The following NTRK2 variants were observed in gnomAD, a reference collection of about 807,000 sequenced individuals.
NTRK2 encodes BDNF/NT-3 growth factors receptor.
NTRK2 carries 13 observed loss-of-function variants against 94.5 expected under a neutral mutation model. The ratio of observed to expected loss-of-function variants is 0.14; its 90% confidence interval spans 0.09 to 0.22. The LOEUF is 0.22. NTRK2 is among the 10% of genes least tolerant of loss of function. NTRK2 has a pLI of 1.00. For missense variants in NTRK2, 639 were observed against 1,071.2 expected, an observed-to-expected ratio of 0.60 and a Z score of 5.63; for synonymous variants, 372 against 407.4, an observed-to-expected ratio of 0.91 and a Z score of 1.05.
At chr9:84,977,867 C>A (rs543362737) in intron 17 of NTRK2, among the ~76,000 whole-genome samples, 284 of 152,344 alleles carry the variant, frequency 1.9e-3, no homozygotes, top group African/African-American at 6.6e-3. Flanking sequence ...CATGCAAAAT[C>A]TCAAACTTTT....
chr9:84,719,736 C>T (rs543578922), intron 6 of NTRK2, among the ~76,000 whole-genome samples: 38 of 151,894 alleles, frequency 2.5e-4, no homozygotes, highest in African/African-American at 7.5e-4. Flanking sequence ...GTGGAAGAGT[C>T]GGCTGGGCAC....
intron 18 of NTRK2, 51 bp from the exon 19 acceptor site, chr9:85,021,201 G>A (rs758390762): frequency 7.2e-6 from 11 of 1,525,846 alleles, no homozygotes; most frequent in African/African-American, 5.5e-5. Flanking sequence ...ACATTTCTTC[G>A]ATGTGCATTG....
chr9:84,807,156 TA>T (rs2071217886), intron 12 of NTRK2, among the ~76,000 whole-genome samples: 1 of 152,278 alleles, frequency 6.6e-6, no homozygotes, highest in African/African-American at 2.4e-5. Context: ...GCTGTTAATT[TA>T]AATGTACTGC....
At chr9:84,830,538 C>CATGCGT (rs139303964) in intron 12 of NTRK2, among the ~76,000 whole-genome samples, 1 of 145,920 alleles carries the variant, frequency 6.9e-6, no homozygotes, top group Admixed American at 6.8e-5. Context: ...AGCATGCATG[C>CATGCGT]GTGTGTGTGT....
At chr9:85,010,529 G>T (rs1036057680) in intron 17 of NTRK2, among the ~76,000 whole-genome samples, 1 of 152,186 alleles carries the variant, frequency 6.6e-6, no homozygotes, top group Non-Finnish European at 1.5e-5. Context: ...TCCCATTGCT[G>T]AGTGATGTGT....
At chr9:84,875,623 T>A in intron 14 of NTRK2, 1 of 1,060,624 alleles carries the variant, frequency 9.4e-7, no homozygotes, top group Non-Finnish European at 1.1e-6. Context: ...TCCTGATGTT[T>A]AGGGATGCCT....
In NTRK2 at chr9:84,709,658, T is replaced by G. The variant is rs76347624; in HGVS notation, c.429-979T>G. ...CCAGGTCCTGTCTTCACGGAAATCT[T>G]AAGTATTGTGGTTAATGCCAGGCAG... On this transcript the variant is annotated intron_variant, in intron 5 of 18. Transcript: ENST00000277120. Among the ~76,000 whole-genome samples, 456 of 152,292 alleles carry G rather than the reference T, an allele frequency of 3.0e-3. 15 individuals are homozygous for G. In the East Asian group the frequency reaches 0.066, roughly 22 times the overall value.
rs144405760 is a variant in NTRK2 at position 84,971,531 on chromosome 9, G to A, written c.2172+16014G>A. ...AGGAAACAATGAGCAGGAAGGCCCC[G>A]TGGCAAGAGAAGCAGAACATGGTAA... On this transcript the variant is annotated intron_variant, in intron 17 of 18. Coordinates refer to ENST00000277120, the MANE Select transcript of NTRK2 (RefSeq NM_006180.6). Among the ~76,000 whole-genome samples the A allele has an allele frequency of 3.9e-3, 596 of 152,330 alleles. 4 individuals carry two copies. Among genetic ancestry groups the A allele is most frequent in the African/African-American group, 0.013 (560 of 41,580 alleles).
chr9:84,670,848 A>G lies in NTRK2; in HGVS notation c.100A>G (p.Thr34Ala), dbSNP rs143073407. 1.3e-4 allele frequency: 211 copies of G among 1,613,940 alleles called. No individual in the cohort carries two copies. Among genetic ancestry groups the G allele is most frequent in the Non-Finnish European group, 1.7e-4 (201 of 1,180,036 alleles). Residue 34 changes from threonine to alanine, a missense_variant, in exon 2 of 19, where the codon ACG (threonine) becomes GCG (alanine). Coordinates refer to ENST00000277120, the MANE Select transcript of NTRK2 (RefSeq NM_006180.6). ...CTGGAGGGCCGCTTTCGCCTGTCCCACGTCCTGCAAATGCAGTGCCTCTCG... is the reference window on the plus strand; with the variant it reads ...CTGGAGGGCCGCTTTCGCCTGTCCCGCGTCCTGCAAATGCAGTGCCTCTCG... ...GFWRAAFACP[T>A]SCKCSASRIW... is the part of the protein sequence containing the mutation.
At chr9:84,915,201 A>T (rs946457178) in intron 14 of NTRK2, among the ~76,000 whole-genome samples, 9 of 152,156 alleles carry the variant, frequency 5.9e-5, no homozygotes, top group Non-Finnish European at 1.2e-4. Flanking sequence ...CTAACAGGCC[A>T]TAGATCAGTA....
At chr9:84,696,371 A>G (rs1043168593) in intron 2 of NTRK2, among the ~76,000 whole-genome samples, 3 of 152,356 alleles carry the variant, frequency 2.0e-5, no homozygotes, top group African/African-American at 4.8e-5. Context: ...CTTGTAATCT[A>G]AATTAGCTTT....
At chr9:84,926,434 G>A (rs1232712406) in intron 14 of NTRK2, among the ~76,000 whole-genome samples, 1 of 151,812 alleles carries the variant, frequency 6.6e-6, no homozygotes, top group East Asian at 1.9e-4. Context: ...GTTTCTCCAT[G>A]TTGGTCAGGC....
At chr9:84,846,601 C>A (rs2074485440) in intron 12 of NTRK2, among the ~76,000 whole-genome samples, 1 of 152,184 alleles carries the variant, frequency 6.6e-6, no homozygotes, top group Admixed American at 6.5e-5. Flanking sequence ...AATCATTTTC[C>A]AGCCTTTCAT....
intron 2 of NTRK2, among the ~76,000 whole-genome samples, chr9:84,694,822 T>C (rs2060262723): frequency 6.6e-6 from 1 of 152,008 alleles, no homozygotes; most frequent in Admixed American, 6.6e-5. Context: ...CTAGAGATGA[T>C]AGATAGATTG....
Position 84,821,125 on chromosome 9 carries a change from CT to C in NTRK2, c.1397-39908del, listed in dbSNP as rs545616075. Reference sequence around the variant, plus strand: ...TTTCTTTTTTTTATTTCTCTTTTATCTTTTTTTAAAAAAATCATTTTCTTCT... The same window carrying C: ...TTTCTTTTTTTTATTTCTCTTTTATCTTTTTTAAAAAAATCATTTTCTTCT... On this transcript the variant is annotated intron_variant, in intron 12 of 18. Coordinates refer to ENST00000277120, the MANE Select transcript of NTRK2 (RefSeq NM_006180.6). Among the ~76,000 whole-genome samples the C allele has an allele frequency of 5.3e-5, 8 of 152,024 alleles. No individual in the cohort carries two copies. In the South Asian group the frequency reaches 1.7e-3, roughly 32 times the overall value.
At position 84,723,727 on chromosome 9, in the gene NTRK2, CTG is replaced by C; in HGVS notation, c.720+22_720+23del. The C allele has an allele frequency of 4.3e-6, 7 of 1,613,962 alleles. No individual in the cohort carries two copies. Among genetic ancestry groups the C allele is most frequent in the South Asian group, 2.2e-5 (2 of 91,068 alleles). ...AACATATGGTAAGGCTTGTGTTTGG[CTG>C]TGTCTTAATAGAGAGACAAGAGTGT... is the stretch of plus-strand genomic sequence containing the variant. On this transcript the variant is annotated intron_variant, in intron 7 of 18. Coordinates refer to ENST00000277120, the MANE Select transcript of NTRK2 (RefSeq NM_006180.6).
chr9:84,914,315 T>A (rs1158126452), intron 14 of NTRK2, among the ~76,000 whole-genome samples: 1 of 152,228 alleles, frequency 6.6e-6, no homozygotes, highest in Admixed American at 6.5e-5. Context: ...AACATTACTG[T>A]CATCTTGGTG....
chr9:84,877,727 A>G (rs2076121898), intron 14 of NTRK2: 2 of 1,058,474 alleles, frequency 1.9e-6, no homozygotes, highest in Admixed American at 5.4e-5. Flanking sequence ...TTCTCTTCCT[A>G]TGTTCAGAAA....
chr9:84,671,059 G>C (rs1171841140), intron 2 of NTRK2, 99 bp downstream of exon 2: 2 of 1,162,028 alleles, frequency 1.7e-6, no homozygotes, highest in Non-Finnish European at 2.5e-6. Context: ...CCAAGAGTGG[G>C]GAGAAGTCAA....
Sources: gnomAD v4.1 joint callset for allele counts (sites outside exome capture counted in the v4.1 genomes callset) on GRCh38, gnomAD v4.1.1 for gene constraint, MANE v1.5 for transcripts, NCBI Gene and HGNC (gene_info 2026-07-23, HGNC 2026-07-21) for gene names.